Variants in DAB1 observed in about 807,000 individuals in gnomAD.
DAB1 encodes the protein DAB adaptor protein 1.
In DAB1, 15 loss-of-function variants were observed where a neutral mutation model predicts 64.6. That is an observed-to-expected ratio of 0.23 (90% CI 0.16 to 0.36). DAB1 has a LOEUF of 0.36. DAB1 is among the 10% of genes least tolerant of loss of function. The pLI, the probability that DAB1 is intolerant of heterozygous loss-of-function variation, is 1.00. For missense variants in DAB1, 596 were observed against 706.7 expected, an observed-to-expected ratio of 0.84 and a Z score of 1.78; for synonymous variants, 235 against 251.9, an observed-to-expected ratio of 0.93 and a Z score of 0.64.
intron 4 of DAB1, among the ~76,000 whole-genome samples, chr1:58,162,949 T>C (rs1655620536): frequency 6.6e-6 from 1 of 152,170 alleles, no homozygotes; most frequent in Non-Finnish European, 1.5e-5. Context: ...TTGTCACAAC[T>C]GAGGGATTGG....
intron 1 of DAB1, among the ~76,000 whole-genome samples, chr1:57,309,251 A>T (rs1260150145): frequency 6.6e-6 from 1 of 152,182 alleles, no homozygotes; most frequent in Non-Finnish European, 1.5e-5. Context: ...AGTTACACAC[A>T]TCAGTTAGCT....
At chr1:57,775,950 A>G (rs1649777876) in intron 6 of DAB1, among the ~76,000 whole-genome samples, 1 of 151,698 alleles carries the variant, frequency 6.6e-6, no homozygotes, top group African/African-American at 2.4e-5. Flanking sequence ...TTTTATAATT[A>G]TGAAAAATTA....
At chr1:57,216,630 C>T (rs1285679146) in intron 2 of DAB1, among the ~76,000 whole-genome samples, 5 of 152,222 alleles carry the variant, frequency 3.3e-5, no homozygotes, top group African/African-American at 9.6e-5. Context: ...TAGAAGAAAA[C>T]GCATACTCAG....
At chr1:57,390,906 T>C (rs1475394335) in intron 1 of DAB1, among the ~76,000 whole-genome samples, 1 of 152,230 alleles carries the variant, frequency 6.6e-6, no homozygotes, top group East Asian at 1.9e-4. Context: ...CTCCTTCTCC[T>C]AAATACATCT....
intron 3 of DAB1, chr1:58,480,749 C>T (rs1004714719): frequency 5.2e-6 from 2 of 385,496 alleles, no homozygotes; most frequent in Admixed American, 4.5e-5. Context: ...TATTCTGTGA[C>T]ATTTTCCTCA....
intron 12 of DAB1, among the ~76,000 whole-genome samples, chr1:57,012,027 T>C (rs1252584754): frequency 6.6e-6 from 1 of 152,192 alleles, no homozygotes; most frequent in Non-Finnish European, 1.5e-5. Context: ...CCCACCCACA[T>C]CTCCTCTCAT....
chr1:58,084,823 A>G (rs1650207220), intron 5 of DAB1, among the ~76,000 whole-genome samples: 1 of 150,770 alleles, frequency 6.6e-6, no homozygotes, highest in Non-Finnish European at 1.5e-5. Context: ...GTATATATAT[A>G]TGTGCACATA....
At chr1:58,086,759 T>A (rs1184235213) in intron 5 of DAB1, among the ~76,000 whole-genome samples, 1 of 151,864 alleles carries the variant, frequency 6.6e-6, no homozygotes, top group Non-Finnish European at 1.5e-5. Context: ...CTGCTTCTGC[T>A]GTTCCTTCTG....
chr1:57,172,729 G>A (rs529868818), intron 2 of DAB1, among the ~76,000 whole-genome samples: 1 of 152,236 alleles, frequency 6.6e-6, no homozygotes, highest in East Asian at 1.9e-4. Context: ...GGAACTAATG[G>A]AATGAGAACT....
intron 5 of DAB1, among the ~76,000 whole-genome samples, chr1:58,033,271 C>A (rs1324123708): frequency 6.6e-6 from 1 of 152,142 alleles, no homozygotes; most frequent in Admixed American, 6.6e-5. Context: ...TACAGAAGAT[C>A]CTTCTGTCTC....
intron 4 of DAB1, among the ~76,000 whole-genome samples, chr1:58,321,735 G>C (rs964207707): frequency 2.6e-5 from 4 of 152,276 alleles, no homozygotes; most frequent in African/African-American, 9.6e-5. Flanking sequence ...GCTGAGGCTT[G>C]AGTAGGTAAA....
At chr1:57,310,614 G>C (rs180814309) in intron 1 of DAB1, among the ~76,000 whole-genome samples, 163 of 152,094 alleles carry the variant, frequency 1.1e-3, no homozygotes, top group Non-Finnish European at 1.7e-3. Context: ...CTCTGGAAAG[G>C]AAAACTTTTG....
intron 4 of DAB1, among the ~76,000 whole-genome samples, chr1:58,164,748 A>C (rs1655732873): frequency 6.6e-6 from 1 of 152,126 alleles, no homozygotes; most frequent in Admixed American, 6.6e-5. Context: ...AATAGAATAA[A>C]ACAAAAAGGA....
chr1:58,054,180 T>C (rs1647904518), intron 5 of DAB1, among the ~76,000 whole-genome samples: 1 of 152,262 alleles, frequency 6.6e-6, no homozygotes, highest in South Asian at 2.1e-4. Flanking sequence ...GATGAGAAGT[T>C]GCTTCTGTCT....
intron 6 of DAB1, among the ~76,000 whole-genome samples, chr1:57,817,307 T>C (rs1243177590): frequency 6.6e-6 from 1 of 152,222 alleles, no homozygotes; most frequent in Non-Finnish European, 1.5e-5. Context: ...GGTTCCTTCC[T>C]GGACCAACTG....
At chr1:57,043,376 C>A (rs548801689) in intron 9 of DAB1, among the ~76,000 whole-genome samples, 2 of 152,278 alleles carry the variant, frequency 1.3e-5, no homozygotes, top group South Asian at 2.1e-4. Context: ...CCTCTCTCTC[C>A]CACACTTTGA....
At chr1:57,677,282 G>A (rs1646578845) in intron 6 of DAB1, among the ~76,000 whole-genome samples, 1 of 152,206 alleles carries the variant, frequency 6.6e-6, no homozygotes, top group Non-Finnish European at 1.5e-5. Context: ...ATGGTATTTT[G>A]TCATGGCAGC....
intron 2 of DAB1, among the ~76,000 whole-genome samples, chr1:57,150,567 C>A (rs1435302203): frequency 6.6e-6 from 1 of 152,144 alleles, no homozygotes. Context: ...AATTTCTCCA[C>A]CCCTTGGCAC....
chr1:57,562,274 G>A (rs1645061439), intron 7 of DAB1, among the ~76,000 whole-genome samples: 1 of 152,222 alleles, frequency 6.6e-6, no homozygotes, highest in Admixed American at 6.5e-5. Flanking sequence ...TTGGGAGGCT[G>A]AGGCAGGGGA....
Sources: gnomAD v4.1 joint callset for allele counts (sites outside exome capture counted in the v4.1 genomes callset) on GRCh38, gnomAD v4.1.1 for gene constraint, MANE v1.5 for transcripts, NCBI Gene and HGNC (gene_info 2026-07-23, HGNC 2026-07-21) for gene names.